Variants in CSMD3 observed in about 807,000 individuals in gnomAD.
CSMD3 encodes the protein CUB and Sushi multiple domains 3.
A neutral mutation model predicts 435.2 loss-of-function variants in CSMD3; 177 were observed. That is an observed-to-expected ratio of 0.41 (90% confidence interval 0.36 to 0.46). The LOEUF is 0.46. Among genes scored for constraint, CSMD3 ranks in the 20% least tolerant of loss-of-function variants. The probability of loss-of-function intolerance (pLI) is 0.34; values close to 1 mark genes in which losing one functional copy is unlikely to be tolerated. For missense variants in CSMD3, 4,265 were observed against 4,504.6 expected, an observed-to-expected ratio of 0.95 and a Z score of 1.52; for synonymous variants, 1,656 against 1,520.5, an observed-to-expected ratio of 1.09 and a Z score of -2.07.
intron 27 of CSMD3, among the ~76,000 whole-genome samples, chr8:112,541,806 C>T (rs1227667769): frequency 2.6e-5 from 4 of 151,780 alleles, no homozygotes; most frequent in Non-Finnish European, 4.4e-5. Flanking sequence ...TTCCCTGATA[C>T]CAAAGCCAGA....
At chr8:113,216,813 G>A (rs1307261918) in intron 3 of CSMD3, among the ~76,000 whole-genome samples, 2 of 151,808 alleles carry the variant, frequency 1.3e-5, no homozygotes, top group Non-Finnish European at 2.9e-5. Flanking sequence ...TGGAATTGTG[G>A]ACAGGGTACT....
At chr8:112,700,199 T>G (rs1406659499) in intron 13 of CSMD3, among the ~76,000 whole-genome samples, 1 of 152,120 alleles carries the variant, frequency 6.6e-6, no homozygotes, top group Non-Finnish European at 1.5e-5. Context: ...TATTTGATGC[T>G]TCTATCAAAA....
chr8:112,827,208 A>G (rs1036868580), intron 12 of CSMD3, among the ~76,000 whole-genome samples: 5 of 60,198 alleles, frequency 8.3e-5, no homozygotes, highest in African/African-American at 1.2e-4. Flanking sequence ...TATATATATA[A>G]TCTTTCTACC....
chr8:112,244,657 T>A, intron 64 of CSMD3, 84 bp from the exon 65 acceptor site: 1 of 938,360 alleles, frequency 1.1e-6, no homozygotes, highest in Non-Finnish European at 1.7e-6. Context: ...ATATTTCAGA[T>A]ATACTTCAAT....
chr8:112,867,089 A>G (rs113973364), intron 10 of CSMD3, among the ~76,000 whole-genome samples: 4 of 152,250 alleles, frequency 2.6e-5, no homozygotes, highest in African/African-American at 9.6e-5. Context: ...GTTGGTACCT[A>G]AAGATGGACA....
At chr8:112,415,681 G>T (rs1811832014) in intron 32 of CSMD3, among the ~76,000 whole-genome samples, 1 of 152,174 alleles carries the variant, frequency 6.6e-6, no homozygotes, top group Admixed American at 6.5e-5. Flanking sequence ...GCCAGGATGG[G>T]GGTTTTACCC....
chr8:112,417,955 A>C (rs7824071), intron 32 of CSMD3, among the ~76,000 whole-genome samples: 1 of 151,940 alleles, frequency 6.6e-6, no homozygotes, highest in African/African-American at 2.4e-5. Context: ...AAATCTACAC[A>C]TTGTTTTGTA....
chr8:112,352,130 A>G (rs1182991176), intron 39 of CSMD3, among the ~76,000 whole-genome samples: 2 of 152,156 alleles, frequency 1.3e-5, no homozygotes, highest in Non-Finnish European at 2.9e-5. Context: ...ATTAATTTTT[A>G]CTTTAAAAGA....
chr8:113,383,646 G>T (rs1022333506), intron 1 of CSMD3, among the ~76,000 whole-genome samples: 10 of 152,252 alleles, frequency 6.6e-5, no homozygotes, highest in African/African-American at 2.4e-4. Context: ...GTAGTAATAT[G>T]CACTAAGTAG....
rs760532997 is a variant in CSMD3 at position 112,310,969 on chromosome 8, A to C, written c.7885+9T>G. ...ATGTTTTTGTTCATTTTGGCATAAT[A>C]TACTTCACCTTGACAGGCAGGGACT... On this transcript the variant is annotated intron_variant, in intron 50 of 70. Coordinates refer to ENST00000297405, the MANE Select transcript of CSMD3 (RefSeq NM_198123.2). The C allele has an allele frequency of 4.3e-6, 7 of 1,612,484 alleles. No individual in the cohort carries two copies. The highest frequency in any genetic ancestry group is 5.9e-6 in the Non-Finnish European group (7 of 1,178,658).
chr8:113,013,205 G>C (rs1474199114), intron 6 of CSMD3, among the ~76,000 whole-genome samples: 1 of 151,986 alleles, frequency 6.6e-6, no homozygotes, highest in Non-Finnish European at 1.5e-5. Context: ...TTAAAAATCA[G>C]TTCCAAGAAA....
rs1304118911 is a variant in CSMD3 at position 113,303,988 on chromosome 8, G to A, written c.401+10583C>T. On this transcript the variant is annotated intron_variant, in intron 2 of 70. Coordinates refer to ENST00000297405, the MANE Select transcript of CSMD3 (RefSeq NM_198123.2). ...GAGTGAACAGGCAACCTACAAAATG[G>A]GAGAAAATTTTGGCAACCTACTCAT... Among the ~76,000 whole-genome samples the A allele has an allele frequency of 2.9e-5, 4 of 138,748 alleles. 1 individual carries two copies. Among genetic ancestry groups the A allele is most frequent in the Non-Finnish European group, 6.2e-5 (4 of 64,012 alleles). The allele number at this position is 138,748 out of a possible 152,430, so 91.0% of individuals were successfully genotyped here. A position where few individuals can be genotyped will look rare whatever the true frequency, so the allele number is the denominator to read the frequency against.
At chr8:112,228,200 G>A (rs1812758809) in intron 70 of CSMD3, among the ~76,000 whole-genome samples, 1 of 152,032 alleles carries the variant, frequency 6.6e-6, no homozygotes, top group African/African-American at 2.4e-5. Context: ...GAGAGAACAG[G>A]ATCTACTAAT....
intron 1 of CSMD3, among the ~76,000 whole-genome samples, chr8:113,394,678 T>C (rs955546213): frequency 4.6e-5 from 7 of 152,172 alleles, no homozygotes; most frequent in African/African-American, 1.7e-4. Flanking sequence ...TTTTGGACTA[T>C]TCAAGTTAAG....
At chr8:112,754,448 T>C (rs1223007888) in intron 13 of CSMD3, among the ~76,000 whole-genome samples, 1 of 151,818 alleles carries the variant, frequency 6.6e-6, no homozygotes, top group Non-Finnish European at 1.5e-5. Context: ...TTTATTATTC[T>C]CCCAGCAGTA....
At chr8:112,719,326 G>T (rs76563251) in intron 13 of CSMD3, among the ~76,000 whole-genome samples, 1 of 152,162 alleles carries the variant, frequency 6.6e-6, no homozygotes, top group African/African-American at 2.4e-5. Flanking sequence ...CCCCAAAAAG[G>T]CAAGGAAAGA....
intron 32 of CSMD3, among the ~76,000 whole-genome samples, chr8:112,420,674 A>T (rs1039685682): frequency 1.3e-5 from 2 of 152,204 alleles, no homozygotes; most frequent in Non-Finnish European, 2.9e-5. Flanking sequence ...CAATTGAACA[A>T]AATTTTACTG....
chr8:112,378,400 G>A (rs1056517427), intron 38 of CSMD3, among the ~76,000 whole-genome samples: 3 of 152,030 alleles, frequency 2.0e-5, no homozygotes, highest in African/African-American at 7.2e-5. Flanking sequence ...TCACAATAGC[G>A]AAGACACGGA....
chr8:112,865,023 T>C (rs1272114917), intron 10 of CSMD3, among the ~76,000 whole-genome samples: 3 of 152,164 alleles, frequency 2.0e-5, no homozygotes, highest in African/African-American at 4.8e-5. Flanking sequence ...TGCAGAGACC[T>C]TGCAAAATAC....
Sources: gnomAD v4.1 joint callset for allele counts (sites outside exome capture counted in the v4.1 genomes callset) on GRCh38, gnomAD v4.1.1 for gene constraint, MANE v1.5 for transcripts, NCBI Gene and HGNC (gene_info 2026-07-23, HGNC 2026-07-21) for gene names.